EDARADD: variants seen among roughly 807,000 people sequenced by gnomAD.
The protein encoded by EDARADD is ectodysplasin-A receptor-associated adapter protein.
A neutral mutation model predicts 25.6 loss-of-function variants in EDARADD; 20 were observed. The observed-to-expected ratio is 0.78, with a 90% confidence interval of 0.55 to 1.14. EDARADD has a LOEUF of 1.14. Among genes scored for constraint, EDARADD ranks in the 50% most tolerant of loss-of-function variants. The pLI is 0.00. For synonymous variants in EDARADD, 86 were observed against 94.4 expected, an observed-to-expected ratio of 0.91 and a Z score of 0.52; for missense variants, 225 against 270.1, an observed-to-expected ratio of 0.83 and a Z score of 1.17.
At chr1:236,437,222 G>A (rs1246745206) in intron 4 of EDARADD, among the ~76,000 whole-genome samples, 1 of 152,098 alleles carries the variant, frequency 6.6e-6, no homozygotes, top group Non-Finnish European at 1.5e-5. Context: ...ACACCTGATC[G>A]ACAGGTAAGC....
chr1:236,406,377 A>T (rs1488603502), intron 1 of EDARADD, among the ~76,000 whole-genome samples: 1 of 152,208 alleles, frequency 6.6e-6, no homozygotes, highest in Non-Finnish European at 1.5e-5. Context: ...CAACAGGGAT[A>T]CACTGTGAGA....
At chr1:236,429,659 A>G (rs1433775979) in intron 4 of EDARADD, among the ~76,000 whole-genome samples, 1 of 151,954 alleles carries the variant, frequency 6.6e-6, no homozygotes, top group Non-Finnish European at 1.5e-5. Flanking sequence ...TGCTGGTATT[A>G]CAGGCTTGAG....
At chr1:236,480,911 C>G (rs560072186) in intron 5 of EDARADD, among the ~76,000 whole-genome samples, 12 of 152,208 alleles carry the variant, frequency 7.9e-5, no homozygotes, top group Non-Finnish European at 1.8e-4. Context: ...GGCGCATGCT[C>G]TTCATGCTGA....
At chr1:236,410,447 A>G (rs1657436442) in intron 2 of EDARADD, among the ~76,000 whole-genome samples, 1 of 152,028 alleles carries the variant, frequency 6.6e-6, no homozygotes, top group Non-Finnish European at 1.5e-5. Flanking sequence ...TATGGCTGCC[A>G]TCATTATTTT....
At chr1:236,393,102 A>G (rs1252858880), upstream of EDARADD, among the ~76,000 whole-genome samples, 3 of 152,078 alleles carry the variant, frequency 2.0e-5, no homozygotes, top group Middle Eastern at 3.2e-3. Flanking sequence ...TCACATAAAC[A>G]TTATTTCAGT....
At chr1:236,392,263 G>A (rs1192842816), upstream of EDARADD, among the ~76,000 whole-genome samples, 4 of 152,142 alleles carry the variant, frequency 2.6e-5, no homozygotes. Context: ...AAATTCCAAG[G>A]AAAGAATGAA....
At chr1:236,355,562 T>C (rs1174734443) in intron 3 of EDARADD, among the ~76,000 whole-genome samples, 1 of 131,810 alleles carries the variant, frequency 7.6e-6, no homozygotes, top group Non-Finnish European at 1.5e-5. Context: ...CAGGCTGGAG[T>C]GCAGTGGCAC....
chr1:236,467,044 C>G (rs937173439), intron 4 of EDARADD, among the ~76,000 whole-genome samples: 1 of 150,964 alleles, frequency 6.6e-6, no homozygotes, highest in African/African-American at 2.4e-5. Flanking sequence ...CCAGCCTGGG[C>G]GACAGAGCAA....
At chr1:236,480,744 C>T (rs1355599115) in intron 5 of EDARADD, among the ~76,000 whole-genome samples, 1 of 152,218 alleles carries the variant, frequency 6.6e-6, no homozygotes, top group Non-Finnish European at 1.5e-5. Context: ...TAATTTGCCA[C>T]GTTGTTTAGA....
At chr1:236,359,986 T>C (rs1759374) in intron 3 of EDARADD, among the ~76,000 whole-genome samples, 51,904 of 151,890 alleles carry the variant, frequency 0.34, 9,112 homozygotes, top group African/African-American at 0.42. Flanking sequence ...CCTAAATAGA[T>C]ATCTATTTCT....
chr1:236,389,031 C>A (rs893491878), intron 3 of EDARADD, among the ~76,000 whole-genome samples: 1 of 152,172 alleles, frequency 6.6e-6, no homozygotes, highest in African/African-American at 2.4e-5. Context: ...AGCTGAATTT[C>A]ATTACTTGGG....
chr1:236,350,675 G>A (rs745349470), intron 2 of EDARADD: 5 of 140,218 alleles, frequency 3.6e-5, no homozygotes, highest in Non-Finnish European at 6.2e-5. Context: ...AAGCAGATTG[G>A]TCCTTTCAAA....
intron 4 of EDARADD, among the ~76,000 whole-genome samples, chr1:236,428,712 C>G (rs1658001990): frequency 6.8e-6 from 1 of 148,072 alleles, no homozygotes; most frequent in South Asian, 2.2e-4. Context: ...GGCAGAGACG[C>G]TCCTCACTTC....
At position 236,482,510 on chromosome 1, in the gene EDARADD, G is replaced by A. The variant is rs757261515; in HGVS notation, c.509G>A (p.Arg170Gln). The change falls in exon 6 of 6, where the codon CGG becomes CAG. Residue 170 changes from arginine to glutamine, a missense_variant. Arg to Gln is a conservative substitution (Grantham distance 43). Transcript: ENST00000334232. ...PQSPTLEFLL[R>Q]NSQRTVGQLM... Reference sequence around the variant, plus strand: ...AGCCCCACCTTGGAGTTCTTGCTCCGGAACAGTCAGAGGACGGTGGGCCAG... The same window carrying A: ...AGCCCCACCTTGGAGTTCTTGCTCCAGAACAGTCAGAGGACGGTGGGCCAG... 39 of 1,613,176 alleles carry A rather than the reference G, an allele frequency of 2.4e-5. No individual in the cohort carries two copies. Among genetic ancestry groups the A allele is most frequent in the Admixed American group, 5.0e-5 (3 of 59,968 alleles).
intron 3 of EDARADD, among the ~76,000 whole-genome samples, chr1:236,381,774 G>A (rs1174108257): frequency 7.1e-5 from 2 of 28,208 alleles, no homozygotes; most frequent in South Asian, 1.4e-3. Flanking sequence ...TCTGTAATAT[G>A]TCTTTTTTTT....
chr1:236,363,172 G>A (rs1478725176), intron 3 of EDARADD, among the ~76,000 whole-genome samples: 1 of 147,702 alleles, frequency 6.8e-6, no homozygotes, highest in Non-Finnish European at 1.5e-5. Context: ...CTGGCCCAGA[G>A]GCCCAGATCT....
chr1:236,383,222 C>T (rs559177075), intron 3 of EDARADD, among the ~76,000 whole-genome samples: 90 of 151,862 alleles, frequency 5.9e-4, no homozygotes, highest in Admixed American at 9.8e-4. Flanking sequence ...TAGAGAAACC[C>T]TGTCTCCACT....
chr1:236,448,541 A>G (rs1252487288), intron 4 of EDARADD, among the ~76,000 whole-genome samples: 2 of 152,188 alleles, frequency 1.3e-5, no homozygotes, highest in East Asian at 1.9e-4. Context: ...CCCATTTCTA[A>G]TATATTAACT....
chr1:236,481,793 A>G (rs1404826807), intron 5 of EDARADD, among the ~76,000 whole-genome samples: 2 of 148,376 alleles, frequency 1.3e-5, no homozygotes, highest in Non-Finnish European at 3.0e-5. Context: ...AAAAAAAAAA[A>G]AAAGAACAGT....
Sources: allele counts gnomAD v4.1 joint callset (sites outside exome capture counted in the v4.1 genomes callset), GRCh38; gene constraint gnomAD v4.1.1; transcripts MANE v1.5; gene names NCBI Gene and HGNC (gene_info 2026-07-23, HGNC 2026-07-21).